The following ZNF486 variants were observed in gnomAD, a reference collection of about 807,000 sequenced individuals.
The protein encoded by ZNF486 is KRAB box only protein 2.
ZNF486 carries 12 observed loss-of-function variants against 12.8 expected under a neutral mutation model. The observed-to-expected ratio is 0.94, with a 90% confidence interval of 0.60 to 1.52. The LOEUF (loss-of-function observed/expected upper bound fraction) is 1.52, where lower values mean the gene tolerates loss of function less well. Ranked by LOEUF, ZNF486 falls within the 40% of genes most tolerant of loss-of-function variation. The pLI is 0.00. For missense variants in ZNF486, 738 were observed against 545.0 expected (o/e 1.35, Z -3.53); for synonymous variants, 231 against 184.9 (o/e 1.25, Z -2.02).
intron 1 of ZNF486, among the ~76,000 whole-genome samples, chr19:20,170,935 A>G (rs143198859): frequency 3.9e-3 from 601 of 152,276 alleles, no homozygotes; most frequent in Non-Finnish European, 6.8e-3. Context: ...CTACCAAATT[A>G]TTGAACTTCA....
At chr19:20,188,736 A>G in intron 3 of ZNF486, 1 of 327,670 alleles carries the variant, frequency 3.1e-6, no homozygotes, top group Non-Finnish European at 5.5e-6. Flanking sequence ...ACATCTTGTA[A>G]AACTAAAACT....
At chr19:20,185,664 TCCCAGAG>T (rs1196807785) in intron 2 of ZNF486, among the ~76,000 whole-genome samples, 4 of 151,988 alleles carry the variant, frequency 2.6e-5, no homozygotes, top group African/African-American at 9.7e-5. Flanking sequence ...CATCTTGGCC[TCCCAGAG>T]TGCTAGGATT....
intron 3 of ZNF486, among the ~76,000 whole-genome samples, chr19:20,186,871 C>A (rs2089853388): frequency 1.4e-5 from 2 of 146,200 alleles, no homozygotes. Flanking sequence ...GCAAACTCTG[C>A]CTCCTGGGTT....
At chr19:20,193,031 G>A (rs1002642376) in intron 3 of ZNF486, among the ~76,000 whole-genome samples, 7 of 150,882 alleles carry the variant, frequency 4.6e-5, no homozygotes, top group Admixed American at 1.3e-4. Flanking sequence ...GTACTGGCAT[G>A]CTTTCATTAC....
At chr19:20,174,269 G>A (rs1012769764) in intron 1 of ZNF486, among the ~76,000 whole-genome samples, 4 of 152,246 alleles carry the variant, frequency 2.6e-5, no homozygotes, top group Non-Finnish European at 5.9e-5. Context: ...AAACTGAACA[G>A]TGGAGTCTGT....
intron 3 of ZNF486, chr19:20,188,527 A>G (rs914090995): frequency 1.3e-5 from 5 of 398,274 alleles, no homozygotes; most frequent in African/African-American, 1.0e-4. Context: ...TATAAAAATA[A>G]TTTAATAATT....
rs2089974322 is a variant in ZNF486, at chr19:20,197,708, C to T, written c.998C>T (p.Ser333Leu). 3 of 1,612,712 alleles carry T rather than the reference C, an allele frequency of 1.9e-6. No homozygotes were observed. Among genetic ancestry groups the T allele is most frequent in the Non-Finnish European group, 2.5e-6 (3 of 1,179,636 alleles). Reference protein sequence around the residue: ...TCDKCGKAFISSSILSKHEKI... With the variant: ...TCDKCGKAFILSSILSKHEKI... ...GATAAATGTGGCAAAGCCTTTATTT[C>T]ATCCTCGATCCTTAGTAAACATGAG... The change falls in exon 4 of 4, where the codon TCA (serine) becomes TTA (leucine). Residue 333 changes from serine to leucine, a missense_variant. Transcript: ENST00000335117.
chr19:20,169,061 G>A (rs2089616773), intron 1 of ZNF486, among the ~76,000 whole-genome samples: 1 of 151,352 alleles, frequency 6.6e-6, no homozygotes, highest in Non-Finnish European at 1.5e-5. Context: ...GGCTGGTGTC[G>A]AACTCCTGAC....
At position 20,198,525 on chromosome 19, in the gene ZNF486, GTTTA is replaced by G. The variant is rs782670538; in HGVS notation, c.*431_*434del. The stretch of plus-strand genomic sequence containing the variant: ...GTTCTCAATTCTTTTATTTTTATTT[GTTTA>G]TTTATTTTTTGAGATGCAGTTTCAC... On this transcript the variant is annotated 3_prime_UTR_variant, in exon 4 of 4. Coordinates refer to ENST00000335117, the MANE Select transcript of ZNF486 (RefSeq NM_052852.4). 42 of 178,542 alleles carry G rather than the reference GTTTA, an allele frequency of 2.4e-4. No homozygotes were observed. The highest frequency in any genetic ancestry group is 7.2e-4 in the African/African-American group (30 of 41,742). 11.1% of individuals were successfully genotyped at this position (178,542 alleles called of 1,614,324 possible). A position where few individuals can be genotyped will look rare whatever the true frequency, so the allele number is the denominator to read the frequency against.
intron 3 of ZNF486, among the ~76,000 whole-genome samples, chr19:20,187,078 C>T (rs970112727): frequency 2.0e-4 from 31 of 151,848 alleles, no homozygotes; most frequent in African/African-American, 5.6e-4. Flanking sequence ...CCACCCCGCC[C>T]GGCCCATAGT....
chr19:20,191,816 C>T (rs1049709915), intron 3 of ZNF486, among the ~76,000 whole-genome samples: 5 of 151,944 alleles, frequency 3.3e-5, no homozygotes, highest in Non-Finnish European at 5.9e-5. Context: ...CTCAAGTATT[C>T]CTCTGTATGC....
In ZNF486 at chr19:20,198,109, A is replaced by G; in HGVS notation, c.*7A>G. ...ACAGAAACCAAGAACGTGACAAAGGATTATTTTATTATTATTATTTTTTTG... is the reference window on the plus strand; with the variant it reads ...ACAGAAACCAAGAACGTGACAAAGGGTTATTTTATTATTATTATTTTTTTG... On this transcript the variant is annotated 3_prime_UTR_variant, in exon 4 of 4. Coordinates refer to ENST00000335117, the MANE Select transcript of ZNF486 (RefSeq NM_052852.4). The G allele has an allele frequency of 6.5e-7, 1 of 1,529,224 alleles. No homozygotes were observed. Among genetic ancestry groups the G allele is most frequent in the Non-Finnish European group, 8.8e-7 (1 of 1,139,798 alleles). The allele number at this position is 1,529,224 out of a possible 1,614,324, so 94.7% of individuals were successfully genotyped here.
intron 1 of ZNF486, among the ~76,000 whole-genome samples, chr19:20,174,397 CTTCTTT>C (rs1568317100): frequency 6.7e-6 from 1 of 148,192 alleles, no homozygotes; most frequent in African/African-American, 2.6e-5. Context: ...TTCTTTCTTT[CTTCTTT>C]TTTTTTTTTG....
intron 3 of ZNF486, among the ~76,000 whole-genome samples, chr19:20,187,149 T>C (rs900957051): frequency 1.3e-5 from 2 of 152,070 alleles, no homozygotes; most frequent in African/African-American, 4.8e-5. Flanking sequence ...TATTACTTAA[T>C]GCTATAGTAA....
At chr19:20,167,489 G>A in intron 1 of ZNF486, 129 bp downstream of exon 1, 1 of 1,076,248 alleles carries the variant, frequency 9.3e-7, no homozygotes, top group East Asian at 2.5e-5. Context: ...ACCCAGCTCG[G>A]CCTCAGTCCC....
intron 1 of ZNF486, among the ~76,000 whole-genome samples, chr19:20,179,459 A>G (rs1034199474): frequency 6.6e-6 from 1 of 152,106 alleles, no homozygotes; most frequent in Non-Finnish European, 1.5e-5. Context: ...TAAACTGTCT[A>G]CTTATATTCA....
At chr19:20,194,379 A>T (rs1321560526) in intron 3 of ZNF486, among the ~76,000 whole-genome samples, 1 of 152,182 alleles carries the variant, frequency 6.6e-6, no homozygotes, top group Non-Finnish European at 1.5e-5. Context: ...TAAAAAAATT[A>T]TTATAACTTT....
chr19:20,169,890 T>TG (rs1363670866), intron 1 of ZNF486, among the ~76,000 whole-genome samples: 18 of 121,294 alleles, frequency 1.5e-4, no homozygotes, highest in African/African-American at 6.2e-4. Context: ...GGTTGTATGT[T>TG]TTTTTTTTTT....
At chr19:20,192,781 G>C (rs971231751) in intron 3 of ZNF486, among the ~76,000 whole-genome samples, 28 of 152,186 alleles carry the variant, frequency 1.8e-4, no homozygotes, top group Non-Finnish European at 3.4e-4. Flanking sequence ...TGTAGAGACA[G>C]AGTTTTGCCA....
Sources: allele counts gnomAD v4.1 joint callset (sites outside exome capture counted in the v4.1 genomes callset), GRCh38; gene constraint gnomAD v4.1.1; transcripts MANE v1.5; gene names NCBI Gene and HGNC (gene_info 2026-07-23, HGNC 2026-07-21).